ZNF587B: variants seen among roughly 807,000 people sequenced by gnomAD.
ZNF587B encodes zinc finger protein 587B.
A neutral mutation model predicts 7.2 loss-of-function variants in ZNF587B; 6 were observed. The ratio of observed to expected loss-of-function variants is 0.83; its 90% CI spans 0.46 to 1.65. ZNF587B has a LOEUF of 1.65. Ranked by LOEUF, ZNF587B falls within the 40% of genes most tolerant of loss-of-function variation. The pLI is 0.01. For missense variants in ZNF587B, 749 were observed against 761.0 expected, an observed-to-expected ratio of 0.98 and a Z score of 0.19; for synonymous variants, 274 against 254.3, an observed-to-expected ratio of 1.08 and a Z score of -0.74.
chr19:57,835,379 G>T (rs1319909755), intron 1 of ZNF587B, among the ~76,000 whole-genome samples: 2 of 128,488 alleles, frequency 1.6e-5, no homozygotes, highest in African/African-American at 6.0e-5. Context: ...TTTTTTTTAG[G>T]TGGAGTCTTG....
chr19:57,832,383 C>T (rs1349176244), intron 1 of ZNF587B, among the ~76,000 whole-genome samples: 1 of 152,238 alleles, frequency 6.6e-6, no homozygotes, highest in East Asian at 1.9e-4. Flanking sequence ...CTGTGCCCGG[C>T]CAATTCTATT....
At position 57,841,778 on chromosome 19, in the gene ZNF587B, C is replaced by T. The variant is rs749996604; in HGVS notation, c.1104C>T (p.Ser368=). The T allele has an allele frequency of 3.1e-6, 5 of 1,609,668 alleles. No individual in the cohort carries two copies. In the East Asian group the frequency reaches 6.7e-5, roughly 22 times the overall value. Residue 368 remains serine, a synonymous_variant, in exon 3 of 3, where the codon AGC becomes AGT. Transcript: ENST00000594901. ...ECEKSFSRKP[S]LSYHQRIHTE... ...AGAAATCTTTTAGTCGGAAGCCCAG[C>T]CTTAGTTACCATCAGCGCATTCACA...
intron 1 of ZNF587B, among the ~76,000 whole-genome samples, chr19:57,830,968 A>T (rs1158855991): frequency 6.6e-6 from 1 of 152,066 alleles, no homozygotes; most frequent in Non-Finnish European, 1.5e-5. Flanking sequence ...AAGAAAAGTT[A>T]AAAGGATAAA....
chr19:57,831,965 G>A (rs1351023730), intron 1 of ZNF587B, among the ~76,000 whole-genome samples: 3 of 151,664 alleles, frequency 2.0e-5, no homozygotes, highest in African/African-American at 7.3e-5. Context: ...CTCGGCCTCC[G>A]AAAGTGCTGG....
rs1989005240 is a variant in ZNF587B, at chr19:57,844,682, T to C, written c.*2106T>C. On this transcript the variant is annotated 3_prime_UTR_variant, in exon 3 of 3. Transcript: ENST00000594901. ...TAGGTCAGCTGGGTACAGGGCAGTTTTTATAACAACCTCTGGTGGGTTTTT... is the reference window on the plus strand; with the variant it reads ...TAGGTCAGCTGGGTACAGGGCAGTTCTTATAACAACCTCTGGTGGGTTTTT... 1 of 152,522 alleles carries C rather than the reference T, an allele frequency of 6.6e-6. No individual in the cohort carries two copies. The highest frequency in any genetic ancestry group is 6.5e-5 in the Admixed American group (1 of 15,314). 9.4% of individuals were successfully genotyped at this position (152,522 alleles called of 1,614,324 possible). A position where few individuals can be genotyped will look rare whatever the true frequency, so the allele number is the denominator to read the frequency against.
chr19:57,843,406 T>C lies in ZNF587B; in HGVS notation c.*830T>C, dbSNP rs1244457228. 3 of 985,314 alleles carry C rather than the reference T, an allele frequency of 3.0e-6. No homozygotes were observed. Among genetic ancestry groups the C allele is most frequent in the South Asian group, 4.7e-5 (1 of 21,288 alleles). 61.0% of individuals were successfully genotyped at this position (985,314 alleles called of 1,614,324 possible). On this transcript the variant is annotated 3_prime_UTR_variant, in exon 3 of 3. Transcript: ENST00000594901. ...TTATATTTTTTACTATGCCCTGTTA[T>C]CTTGCTAGACTTATGTGACTGCCAC...
In ZNF587B at chr19:57,841,558, G is replaced by C; in HGVS notation, c.884G>C (p.Gly295Ala). Residue 295 changes from glycine to alanine, a missense_variant, in exon 3 of 3, where the codon GGA becomes GCA. By Grantham distance (60) the Gly-to-Ala change is moderately conservative (BLOSUM62 0). Coordinates refer to ENST00000594901, the MANE Select transcript of ZNF587B (RefSeq NM_001376223.1). Reference protein sequence around the residue: ...LIQHQQFHTGGKPYGCEECGK... With the variant: ...LIQHQQFHTGAKPYGCEECGK... ...CAACATCAGCAATTTCACACTGGAG[G>C]AAAACCTTATGGGTGTGAAGAATGT... is the stretch of plus-strand genomic sequence containing the variant. 3 of 1,579,142 alleles carry C rather than the reference G, an allele frequency of 1.9e-6. No individual in the cohort carries two copies. The highest frequency in any genetic ancestry group is 2.6e-6 in the Non-Finnish European group (3 of 1,162,068).
At position 57,843,587 on chromosome 19, in the gene ZNF587B, G is replaced by GGT; in HGVS notation, c.*1011_*1012insGT. 1 of 757,972 alleles carries GGT rather than the reference G, an allele frequency of 1.3e-6. No individual in the cohort carries two copies. The highest frequency in any genetic ancestry group is 1.5e-6 in the Non-Finnish European group (1 of 657,638). 47.0% of individuals were successfully genotyped at this position (757,972 alleles called of 1,614,324 possible). A position where few individuals can be genotyped will look rare whatever the true frequency, so the allele number is the denominator to read the frequency against. Reference sequence around the variant, plus strand: ...GTTTGGTTGGTTGGTTGGTTGGTTGGTTGTTTTTTTTTGTTTTTTTTTTTT... The same window carrying GGT: ...GTTTGGTTGGTTGGTTGGTTGGTTGGGTTTGTTTTTTTTTGTTTTTTTTTTTT... On this transcript the variant is annotated 3_prime_UTR_variant, in exon 3 of 3. Coordinates refer to ENST00000594901, the MANE Select transcript of ZNF587B (RefSeq NM_001376223.1).
At chr19:57,836,412 G>A (rs1988604205) in intron 1 of ZNF587B, among the ~76,000 whole-genome samples, 1 of 152,196 alleles carries the variant, frequency 6.6e-6, no homozygotes. Flanking sequence ...AAAAATTAAG[G>A]CCCAGTGTGA....
chr19:57,843,482 G>GCAT lies in ZNF587B; in HGVS notation c.*910_*912dup. On this transcript the variant is annotated 3_prime_UTR_variant, in exon 3 of 3. Coordinates refer to ENST00000594901, the MANE Select transcript of ZNF587B (RefSeq NM_001376223.1). ...CAGCTACTTGGTAGGTACCCACATT[G>GCAT]CATCATTCACCTATTTCGTATTCTA... The GCAT allele has an allele frequency of 1.4e-5, 14 of 984,708 alleles. No individual in the cohort carries two copies. Among genetic ancestry groups the GCAT allele is most frequent in the Non-Finnish European group, 1.7e-5 (14 of 829,864 alleles). 61.0% of individuals were successfully genotyped at this position (984,708 alleles called of 1,614,324 possible).
chr19:57,837,973 G>A (rs1054880164), intron 1 of ZNF587B, among the ~76,000 whole-genome samples: 1 of 152,126 alleles, frequency 6.6e-6, no homozygotes, highest in Non-Finnish European at 1.5e-5. Flanking sequence ...CCTAGGGGGA[G>A]ATTTCAACCC....
chr19:57,830,458 GGGACC>G lies in ZNF587B; in HGVS notation c.-69_-65del. 1 of 1,517,556 alleles carries G rather than the reference GGGACC, an allele frequency of 6.6e-7. No individual in the cohort carries two copies. The highest frequency in any genetic ancestry group is 8.9e-7 in the Non-Finnish European group (1 of 1,122,132). The allele number at this position is 1,517,556 out of a possible 1,614,324, so 94.0% of individuals were successfully genotyped here. ...CGTGACCCACCCCTGGGCCAGGATA[GGGACC>G]GTCATGCCCATATCTCCTGGCTGGT... On this transcript the variant is annotated 5_prime_UTR_variant, in exon 1 of 3. Coordinates refer to ENST00000594901, the MANE Select transcript of ZNF587B (RefSeq NM_001376223.1).
chr19:57,840,481 T>G (rs955537727), intron 2 of ZNF587B, among the ~76,000 whole-genome samples: 2 of 152,184 alleles, frequency 1.3e-5, no homozygotes, highest in Non-Finnish European at 2.9e-5. Context: ...AAGCAGAAGC[T>G]GCTGTGTTGT....
rs1989016967 is a variant in ZNF587B at position 57,845,011 on chromosome 19, CTG to C, written c.*2437_*2438del. The C allele has an allele frequency of 1.3e-5, 2 of 151,260 alleles. No homozygotes were observed. The highest frequency in any genetic ancestry group is 1.3e-4 in the Admixed American group (2 of 15,188). The allele number at this position is 151,260 out of a possible 1,614,324, so 9.4% of individuals were successfully genotyped here. On this transcript the variant is annotated 3_prime_UTR_variant, in exon 3 of 3. Transcript: ENST00000594901. ...TTTTTTTTTGAGACACAGTCTCACT[CTG>C]TCACCCAGGCTAGAGTGCTGTTGCA...
At chr19:57,836,535 A>T (rs1988612030) in intron 1 of ZNF587B, among the ~76,000 whole-genome samples, 1 of 152,068 alleles carries the variant, frequency 6.6e-6, no homozygotes, top group Non-Finnish European at 1.5e-5. Context: ...TCGTGTATGT[A>T]TGTAGAAACA....
chr19:57,843,480 T>G lies in ZNF587B; in HGVS notation c.*904T>G, dbSNP rs1988936258. On this transcript the variant is annotated 3_prime_UTR_variant, in exon 3 of 3. Coordinates refer to ENST00000594901, the MANE Select transcript of ZNF587B (RefSeq NM_001376223.1). ...CTCAGCTACTTGGTAGGTACCCACA[T>G]TGCATCATTCACCTATTTCGTATTC... 1 of 985,268 alleles carries G rather than the reference T, an allele frequency of 1.0e-6. No homozygotes were observed. Among genetic ancestry groups the G allele is most frequent in the Non-Finnish European group, 1.2e-6 (1 of 829,920 alleles). The allele number at this position is 985,268 out of a possible 1,614,324, so 61.0% of individuals were successfully genotyped here.
chr19:57,844,480 T>A lies in ZNF587B; in HGVS notation c.*1904T>A. Reference sequence around the variant, plus strand: ...TCATGCCACTGCACTCCAGCCTGGGTCCTGCTACCTTGAAGGACAGCATAG... The same window carrying A: ...TCATGCCACTGCACTCCAGCCTGGGACCTGCTACCTTGAAGGACAGCATAG... On this transcript the variant is annotated 3_prime_UTR_variant, in exon 3 of 3. Coordinates refer to ENST00000594901, the MANE Select transcript of ZNF587B (RefSeq NM_001376223.1). The A allele has an allele frequency of 4.5e-6, 1 of 222,456 alleles. No individual in the cohort carries two copies. Among genetic ancestry groups the A allele is most frequent in the South Asian group, 4.3e-5 (1 of 23,224 alleles). The allele number at this position is 222,456 out of a possible 1,614,324, so 13.8% of individuals were successfully genotyped here. A position where few individuals can be genotyped will look rare whatever the true frequency, so the allele number is the denominator to read the frequency against.
Position 57,842,643 on chromosome 19 carries a change from G to A in ZNF587B, c.*67G>A. The A allele has an allele frequency of 1.5e-6, 2 of 1,349,106 alleles. No homozygotes were observed. The highest frequency in any genetic ancestry group is 1.9e-6 in the Non-Finnish European group (2 of 1,052,506). 83.6% of individuals were successfully genotyped at this position (1,349,106 alleles called of 1,614,324 possible). A position where few individuals can be genotyped will look rare whatever the true frequency, so the allele number is the denominator to read the frequency against. ...CACACCTGAGTAAGATCTTGTGATT[G>A]CAGCAAATGTGGAAAATGTTTACCC... On this transcript the variant is annotated 3_prime_UTR_variant, in exon 3 of 3. Coordinates refer to ENST00000594901, the MANE Select transcript of ZNF587B (RefSeq NM_001376223.1).
At chr19:57,838,717 G>A (rs1417405849) in intron 1 of ZNF587B, among the ~76,000 whole-genome samples, 4 of 152,214 alleles carry the variant, frequency 2.6e-5, no homozygotes, top group African/African-American at 9.6e-5. Context: ...TCTAAAGAAT[G>A]AGGTGCGTTC....
Sources: allele counts gnomAD v4.1 joint callset (sites outside exome capture counted in the v4.1 genomes callset), GRCh38; gene constraint gnomAD v4.1.1; transcripts MANE v1.5; gene names NCBI Gene and HGNC (gene_info 2026-07-23, HGNC 2026-07-21).